NLGN1: variants seen among roughly 807,000 people sequenced by gnomAD.
NLGN1 encodes neuroligin 1, also known as neuroligin-1.
NLGN1 carries 12 observed loss-of-function variants against 65.5 expected under a neutral mutation model. The ratio of observed to expected loss-of-function variants is 0.18; its 90% CI spans 0.12 to 0.30. The LOEUF is 0.30. Ranked by LOEUF, NLGN1 falls within the 10% of genes least tolerant of loss-of-function variation. The pLI, the probability that NLGN1 is intolerant of heterozygous loss-of-function variation, is 1.00. For synonymous variants in NLGN1, 350 were observed against 359.5 expected, an observed-to-expected ratio of 0.97 and a Z score of 0.30; for missense variants, 750 against 1,007.1, an observed-to-expected ratio of 0.74 and a Z score of 3.46.
At chr3:173,588,972 A>G (rs1747978147) in intron 2 of NLGN1, among the ~76,000 whole-genome samples, 1 of 152,248 alleles carries the variant, frequency 6.6e-6, no homozygotes, top group South Asian at 2.1e-4. Flanking sequence ...AAGGAAGTTT[A>G]ATTAAGAAAA....
chr3:173,761,921 T>C (rs1285358314), intron 3 of NLGN1, among the ~76,000 whole-genome samples: 1 of 152,086 alleles, frequency 6.6e-6, no homozygotes, highest in Non-Finnish European at 1.5e-5. Context: ...ATTTTGGGAA[T>C]GAACCGACAG....
At chr3:173,605,216 T>C (rs915339333) in intron 3 of NLGN1, 125 bp downstream of exon 2, 14 of 741,336 alleles carry the variant, frequency 1.9e-5, no homozygotes, top group Non-Finnish European at 2.8e-5. Context: ...GTAGACATAT[T>C]TTACATGCGT....
intron 4 of NLGN1, among the ~76,000 whole-genome samples, chr3:173,928,389 A>G (rs1199249074): frequency 6.6e-6 from 1 of 152,160 alleles, no homozygotes; most frequent in East Asian, 1.9e-4. Context: ...GAACTTTTCG[A>G]GTCTTAAGTA....
chr3:173,478,283 T>C (rs1212172222), intron 2 of NLGN1, among the ~76,000 whole-genome samples: 1 of 152,180 alleles, frequency 6.6e-6, no homozygotes, highest in African/African-American at 2.4e-5. Flanking sequence ...GCCATTATCC[T>C]CAGCAAACTA....
chr3:174,103,344 A>G lies in NLGN1; in HGVS notation c.647-171971A>G, dbSNP rs181273909. Reference sequence around the variant, plus strand: ...TGCTGTATTTCAAAAATATTTTAAAATATTTTAAAGCTGTTAGTTGTATAG... The same window carrying G: ...TGCTGTATTTCAAAAATATTTTAAAGTATTTTAAAGCTGTTAGTTGTATAG... On this transcript the variant is annotated intron_variant, in intron 4 of 6. Coordinates refer to ENST00000457714, the Ensembl canonical transcript of NLGN1. Among the ~76,000 whole-genome samples, 17 of 152,302 alleles carry G rather than the reference A, an allele frequency of 1.1e-4. No homozygotes were observed. In the East Asian group the frequency reaches 2.3e-3, roughly 21 times the overall value.
chr3:173,970,687 T>C (rs1350884895), intron 4 of NLGN1, among the ~76,000 whole-genome samples: 1 of 152,180 alleles, frequency 6.6e-6, no homozygotes, highest in Non-Finnish European at 1.5e-5. Flanking sequence ...AGCTTAAATC[T>C]AGGCCTTGTC....
In NLGN1 at chr3:173,723,823, C is replaced by T. The variant is rs564885319; in HGVS notation, c.494-83857C>T. 3.9e-5 allele frequency among the ~76,000 whole-genome samples: 6 copies of T among 152,208 alleles called. No homozygotes were observed. The East Asian group carries it at 1.2e-3, about 29-fold the overall frequency. On this transcript the variant is annotated intron_variant, in intron 3 of 6. Transcript: ENST00000457714. ...AATGCACAAAGGTGCAAGCAGAGAG[C>T]TGCCCAGGAGATTTATTTGATTAAT...
chr3:173,515,432 A>G (rs751522803), intron 2 of NLGN1, among the ~76,000 whole-genome samples: 2 of 152,056 alleles, frequency 1.3e-5, no homozygotes, highest in Non-Finnish European at 2.9e-5. Flanking sequence ...CTCATTATGT[A>G]GGTTGCTTTT....
intron 4 of NLGN1, among the ~76,000 whole-genome samples, chr3:173,877,673 T>C (rs1351226197): frequency 6.6e-6 from 1 of 152,186 alleles, no homozygotes; most frequent in African/African-American, 2.4e-5. Flanking sequence ...GCCACTCTTC[T>C]ATTAAGTCTA....
chr3:173,423,499 C>T (rs543848144), intron 1 of NLGN1, among the ~76,000 whole-genome samples: 1 of 152,200 alleles, frequency 6.6e-6, no homozygotes, highest in Non-Finnish European at 1.5e-5. Flanking sequence ...GAGGTGTGGG[C>T]TTTGGATAAA....
chr3:174,071,436 C>T (rs1025344238), intron 4 of NLGN1, among the ~76,000 whole-genome samples: 10 of 152,078 alleles, frequency 6.6e-5, no homozygotes, highest in African/African-American at 1.9e-4. Flanking sequence ...AATCCTAGCA[C>T]TTTGGGAGAC....
At chr3:174,188,746 A>C (rs543068870) in intron 4 of NLGN1, among the ~76,000 whole-genome samples, 1 of 151,964 alleles carries the variant, frequency 6.6e-6, no homozygotes, top group Non-Finnish European at 1.5e-5. Flanking sequence ...TCAAAATAAC[A>C]CTAGAAGAAT....
At chr3:173,448,716 A>G (rs1720873546) in intron 2 of NLGN1, among the ~76,000 whole-genome samples, 1 of 152,114 alleles carries the variant, frequency 6.6e-6, no homozygotes, top group Non-Finnish European at 1.5e-5. Flanking sequence ...TTGGTAAGCT[A>G]TTAATTATTG....
At chr3:174,269,680 C>A (rs1748971930) in intron 4 of NLGN1, among the ~76,000 whole-genome samples, 1 of 151,856 alleles carries the variant, frequency 6.6e-6, no homozygotes, top group Non-Finnish European at 1.5e-5. Context: ...TGGGATCCTG[C>A]TTTGAATTCT....
intron 3 of NLGN1, among the ~76,000 whole-genome samples, chr3:173,639,656 G>C (rs2041985330): frequency 1.3e-5 from 2 of 152,160 alleles, no homozygotes; most frequent in Admixed American, 6.5e-5. Context: ...TGATTCTCCT[G>C]AACTACTAGA....
chr3:173,658,627 A>G (rs752050075), intron 3 of NLGN1, among the ~76,000 whole-genome samples: 4 of 152,032 alleles, frequency 2.6e-5, no homozygotes, highest in Non-Finnish European at 5.9e-5. Flanking sequence ...CAGTGAAGGC[A>G]TCACAGCCTT....
chr3:173,447,153 G>A (rs1350818098), intron 2 of NLGN1, among the ~76,000 whole-genome samples: 4 of 152,196 alleles, frequency 2.6e-5, no homozygotes, highest in African/African-American at 7.2e-5. Context: ...CCTATGTCCT[G>A]AATGGTAATG....
intron 3 of NLGN1, among the ~76,000 whole-genome samples, chr3:173,802,210 G>C (rs924491602): frequency 3.3e-5 from 5 of 151,962 alleles, no homozygotes; most frequent in Non-Finnish European, 7.4e-5. Flanking sequence ...AGGTAAGTCT[G>C]AGCGATCATA....
intron 4 of NLGN1, among the ~76,000 whole-genome samples, chr3:174,205,195 A>C (rs1735174655): frequency 6.6e-6 from 1 of 152,194 alleles, no homozygotes; most frequent in Non-Finnish European, 1.5e-5. Flanking sequence ...ATCCACTGAA[A>C]TTTCCTCTTA....
Sources: gnomAD v4.1 joint callset for allele counts (sites outside exome capture counted in the v4.1 genomes callset) on GRCh38, gnomAD v4.1.1 for gene constraint, MANE v1.5 for transcripts, NCBI Gene and HGNC (gene_info 2026-07-23, HGNC 2026-07-21) for gene names.